RFT1: variants seen among roughly 807,000 people sequenced by gnomAD.
RFT1 encodes RFT1 glycolipid translocator homolog.
RFT1 carries 43 observed loss-of-function variants against 62.2 expected under a neutral mutation model. That is an observed-to-expected ratio of 0.69 (90% CI 0.54 to 0.89). The LOEUF (loss-of-function observed/expected upper bound fraction) is 0.89, where lower values mean the gene tolerates loss of function less well. Among genes scored for constraint, RFT1 ranks in the 40% least tolerant of loss-of-function variants. The probability of loss-of-function intolerance (pLI) is 0.00; values close to 1 mark genes in which losing one functional copy is unlikely to be tolerated. For synonymous variants in RFT1, 262 were observed against 264.6 expected, an observed-to-expected ratio of 0.99 and a Z score of 0.10; for missense variants, 605 against 649.9, an observed-to-expected ratio of 0.93 and a Z score of 0.75.
At chr3:53,075,991 C>T in the RFT1 span, among the ~76,000 whole-genome samples, 1 of 152,168 alleles carries the variant, frequency 6.6e-6, no homozygotes, top group Non-Finnish European at 1.5e-5. Flanking sequence ...TTTCTCCGAT[C>T]TGCCTGGGTG....
rs1291600326 is a variant in RFT1 at position 53,121,814 on chromosome 3, G to T, written c.457-14C>A. 3 of 1,598,518 alleles carry T rather than the reference G, an allele frequency of 1.9e-6. No individual in the cohort carries two copies. The highest frequency in any genetic ancestry group is 3.4e-5 in the Admixed American group (2 of 59,644). ...CTCTGCAATCACCTGCAAACATGTGGTTAAGGTGCAGTTTACAAACATCAT... is the reference window on the plus strand; with the variant it reads ...CTCTGCAATCACCTGCAAACATGTGTTTAAGGTGCAGTTTACAAACATCAT... On this transcript the variant is annotated splice_polypyrimidine_tract_variant and intron_variant, in intron 4 of 12. Coordinates refer to ENST00000296292, the MANE Select transcript of RFT1 (RefSeq NM_052859.4).
intron 4 of RFT1, among the ~76,000 whole-genome samples, chr3:53,122,088 T>C (rs976319852): frequency 4.6e-5 from 7 of 152,236 alleles, no homozygotes; most frequent in African/African-American, 9.6e-5. Flanking sequence ...ATATAACCAC[T>C]AGAAAAATCT....
In RFT1 at chr3:53,099,431, T is replaced by C; in HGVS notation, c.1158A>G (p.Gly386=). The C allele has an allele frequency of 1.2e-6, 2 of 1,614,118 alleles. No individual in the cohort carries two copies. The highest frequency in any genetic ancestry group is 1.7e-6 in the Non-Finnish European group (2 of 1,179,996). Residue 386 remains glycine, a synonymous_variant, in exon 11 of 13, where the codon GGA becomes GGG. Transcript: ENST00000296292. ...CAGCAAATGTGAAACACTCTGTCAC[T>C]CCATTGATGGCAAGCAGGAGAACAT... The part of the protein sequence containing the change: ...CLYVLLLAIN[G]VTECFTFAAM...
chr3:53,088,092 A>G (rs1344029900), downstream of RFT1, among the ~76,000 whole-genome samples: 2 of 152,218 alleles, frequency 1.3e-5, no homozygotes, highest in African/African-American at 4.8e-5. Context: ...GACCCCCTGA[A>G]ATCACACACT....
chr3:53,110,290 C>T (rs1429704614), intron 7 of RFT1, among the ~76,000 whole-genome samples: 2 of 152,220 alleles, frequency 1.3e-5, no homozygotes, highest in African/African-American at 4.8e-5. Flanking sequence ...TCATCATACA[C>T]ATTTCACAAT....
rs1701247296 is a variant in RFT1 at position 53,099,427 on chromosome 3, T to G, written c.1162A>C (p.Thr388Pro). Residue 388 changes from threonine to proline, a missense_variant, in exon 11 of 13, where the codon ACA becomes CCA. By Grantham distance (38) the Thr-to-Pro change is conservative. Coordinates refer to ENST00000296292, the MANE Select transcript of RFT1 (RefSeq NM_052859.4). The part of the protein sequence containing the change: ...YVLLLAINGV[T>P]ECFTFAAMSK... ...ATGGCAGCAAATGTGAAACACTCTG[T>G]CACTCCATTGATGGCAAGCAGGAGA... The G allele has an allele frequency of 9.9e-6, 16 of 1,614,154 alleles. No individual in the cohort carries two copies. Among genetic ancestry groups the G allele is most frequent in the Non-Finnish European group, 1.4e-5 (16 of 1,180,010 alleles).
At chr3:53,092,690 C>G (rs1701033258) in intron 11 of RFT1, 72 bp from the exon 12 acceptor site, 6 of 1,530,790 alleles carry the variant, frequency 3.9e-6, no homozygotes, top group Non-Finnish European at 5.3e-6. Context: ...AAACAGCGGC[C>G]ATGAACATCA....
At chr3:53,096,463 C>T (rs1021556482) in intron 11 of RFT1, among the ~76,000 whole-genome samples, 25 of 151,930 alleles carry the variant, frequency 1.6e-4, no homozygotes, top group African/African-American at 4.8e-4. Context: ...GGGCAGATCA[C>T]CTGAGGTCAG....
chr3:53,113,887 T>G (rs1304593611), intron 6 of RFT1, among the ~76,000 whole-genome samples: 1 of 152,192 alleles, frequency 6.6e-6, no homozygotes, highest in Non-Finnish European at 1.5e-5. Context: ...TCTTTACTCC[T>G]TGGTTTCTGA....
intron 1 of RFT1, 38 bp downstream of exon 1, chr3:53,130,300 G>A (rs767595002): frequency 1.3e-6 from 2 of 1,544,684 alleles, no homozygotes; most frequent in Middle Eastern, 1.7e-4. Context: ...GCGAATCCCG[G>A]CTGCAGTACA....
chr3:53,087,779 C>T (rs1472131064), downstream of RFT1, among the ~76,000 whole-genome samples: 1 of 152,178 alleles, frequency 6.6e-6, no homozygotes, highest in Non-Finnish European at 1.5e-5. Flanking sequence ...CTTCAGCCTC[C>T]GAAAGTGTTG....
At position 53,118,091 on chromosome 3, in the gene RFT1, C is replaced by T. The variant is rs118046703; in HGVS notation, c.696+1793G>A. 0.011 allele frequency among the ~76,000 whole-genome samples: 1,637 copies of T among 152,256 alleles called. 66 individuals carry two copies. The South Asian group carries it at 0.11, about 10-fold the overall frequency. On this transcript the variant is annotated intron_variant, in intron 6 of 12. Coordinates refer to ENST00000296292, the MANE Select transcript of RFT1 (RefSeq NM_052859.4). ...TTTTTTTTTTGTAGAGACAGTCTTG[C>T]CATGTCACTCAAGCTGGCCACCACA...
chr3:53,121,120 C>T (rs1193360443), intron 5 of RFT1, among the ~76,000 whole-genome samples: 2 of 152,178 alleles, frequency 1.3e-5, no homozygotes, highest in East Asian at 3.8e-4. Context: ...CACTTGTACT[C>T]TAGTTGTATT....
rs1358497995 is a variant in RFT1, at chr3:53,111,484, A to G, written c.775+346T>C. 5.3e-5 allele frequency among the ~76,000 whole-genome samples: 8 copies of G among 152,224 alleles called. No individual in the cohort carries two copies. The East Asian group carries it at 1.5e-3, about 29-fold the overall frequency. Reference sequence around the variant, plus strand: ...AATAAATTCATAAAAATCATATAACATGGGGTTTTGGAGTTAGACCTGGAT... The same window carrying G: ...AATAAATTCATAAAAATCATATAACGTGGGGTTTTGGAGTTAGACCTGGAT... On this transcript the variant is annotated intron_variant, in intron 7 of 12. Coordinates refer to ENST00000296292, the MANE Select transcript of RFT1 (RefSeq NM_052859.4).
chr3:53,110,861 T>C (rs1294087415), intron 7 of RFT1, among the ~76,000 whole-genome samples: 1 of 152,176 alleles, frequency 6.6e-6, no homozygotes, highest in Non-Finnish European at 1.5e-5. Context: ...CTTACAGCTG[T>C]CTTAAATCTC....
At chr3:53,126,074 G>A (rs1387004204) in intron 1 of RFT1, 80 bp from the exon 2 acceptor site, 1 of 1,156,204 alleles carries the variant, frequency 8.6e-7, no homozygotes, top group African/African-American at 1.5e-5. Context: ...CAATGTGGCT[G>A]TTCTTCCTAA....
In RFT1 at chr3:53,091,816, CA is replaced by C; in HGVS notation, c.*86del. 7.1e-7 allele frequency: 1 copy of C among 1,415,094 alleles called. No homozygotes were observed. The highest frequency in any genetic ancestry group is 2.3e-5 in the East Asian group (1 of 43,624). The allele number at this position is 1,415,094 out of a possible 1,614,324, so 87.7% of individuals were successfully genotyped here. A position where few individuals can be genotyped will look rare whatever the true frequency, so the allele number is the denominator to read the frequency against. On this transcript the variant is annotated 3_prime_UTR_variant, in exon 13 of 13. Transcript: ENST00000296292. ...TGCTGTCACTCCGCTGCAGAGCCCTCAGTGGGGCTCTTACACAGAATGTGTT... is the reference window on the plus strand; with the variant it reads ...TGCTGTCACTCCGCTGCAGAGCCCTCGTGGGGCTCTTACACAGAATGTGTT...
intron 10 of RFT1, among the ~76,000 whole-genome samples, chr3:53,101,810 G>T (rs1701322868): frequency 6.6e-6 from 1 of 152,134 alleles, no homozygotes; most frequent in South Asian, 2.1e-4. Flanking sequence ...GCTGAAGGGG[G>T]GCAGATCATC....
chr3:53,068,317 A>AC, the RFT1 span, among the ~76,000 whole-genome samples: 41 of 148,864 alleles, frequency 2.8e-4, no homozygotes, highest in Middle Eastern at 3.4e-3. Context: ...TGCAGGAGAG[A>AC]CCCCCCCCAC....
Sources: allele counts gnomAD v4.1 joint callset (sites outside exome capture counted in the v4.1 genomes callset), GRCh38; gene constraint gnomAD v4.1.1; transcripts MANE v1.5; gene names NCBI Gene and HGNC (gene_info 2026-07-23, HGNC 2026-07-21).